Variants in TENM2 observed in about 807,000 individuals in gnomAD.
TENM2 encodes the protein teneurin-2.
TENM2 carries 52 observed loss-of-function variants against 245.2 expected under a neutral mutation model. The ratio of observed to expected loss-of-function variants is 0.21; its 90% confidence interval spans 0.17 to 0.27. The LOEUF (loss-of-function observed/expected upper bound fraction) is 0.27, where lower values mean the gene tolerates loss of function less well. TENM2 is among the 10% of genes least tolerant of loss of function. The probability of loss-of-function intolerance (pLI) is 1.00; values close to 1 mark genes in which losing one functional copy is unlikely to be tolerated. For missense variants in TENM2, 3,046 were observed against 3,666.8 expected (o/e 0.83, Z 4.37); for synonymous variants, 1,363 against 1,438.9 (o/e 0.95, Z 1.19).
chr5:167,030,699 G>C, the TENM2 span, among the ~76,000 whole-genome samples: 1 of 152,090 alleles, frequency 6.6e-6, no homozygotes, highest in African/African-American at 2.4e-5. Context: ...CGCGAGCAGA[G>C]CAAGGAAATG....
At chr5:167,060,312 A>G in the TENM2 span, among the ~76,000 whole-genome samples, 1 of 152,174 alleles carries the variant, frequency 6.6e-6, no homozygotes, top group Non-Finnish European at 1.5e-5. Flanking sequence ...TACAAATACA[A>G]ATATGAGCCA....
intron 2 of TENM2, among the ~76,000 whole-genome samples, chr5:167,817,817 T>C (rs979702247): frequency 5.3e-5 from 8 of 152,200 alleles, no homozygotes; most frequent in African/African-American, 1.9e-4. Flanking sequence ...GGACATTTGA[T>C]AGGAAGTCAG....
At chr5:167,616,696 C>T (rs1173098491) in intron 2 of TENM2, among the ~76,000 whole-genome samples, 1 of 151,944 alleles carries the variant, frequency 6.6e-6, no homozygotes, top group Non-Finnish European at 1.5e-5. Context: ...TGGTGGGCTG[C>T]ATTGCTTTTG....
intron 1 of TENM2, among the ~76,000 whole-genome samples, chr5:167,327,791 A>T (rs886643422): frequency 1.3e-5 from 2 of 152,166 alleles, no homozygotes; most frequent in Non-Finnish European, 1.5e-5. Flanking sequence ...GAATGGTGAA[A>T]TAGGGTAGAG....
chr5:167,285,016 G>A lies in TENM2; in HGVS notation c.179G>A (p.Arg60Gln), dbSNP rs369502947. Reference sequence around the variant, plus strand: ...GACAGCAGGATGCACTATGGAAACCGAGTCACAGACCTCATCCACCGGGAG... The same window carrying A: ...GACAGCAGGATGCACTATGGAAACCAAGTCACAGACCTCATCCACCGGGAG... Residue 60 changes from arginine to glutamine, a missense_variant, in exon 1 of 29, where the codon CGA (arginine) becomes CAA (glutamine). By Grantham distance (43) the Arg-to-Gln change is conservative (BLOSUM62 1). Coordinates refer to ENST00000518659, the Ensembl canonical transcript of TENM2. 34 of 1,551,982 alleles carry A rather than the reference G, an allele frequency of 2.2e-5. No homozygotes were observed. In the South Asian group the frequency reaches 2.6e-4, roughly 12 times the overall value.
Position 167,413,634 on chromosome 5 carries a change from G to T in TENM2, c.502+38161G>T, listed in dbSNP as rs145980198. On this transcript the variant is annotated intron_variant, in intron 2 of 28. Transcript: ENST00000518659. ...CCATCCATCCGTTTCCTTCTGAGCA[G>T]AGCAATAAAAATCAAGCCAGACCCT... Among the ~76,000 whole-genome samples the T allele has an allele frequency of 6.6e-5, 10 of 152,214 alleles. No individual in the cohort carries two copies. The East Asian group carries it at 1.9e-3, about 29-fold the overall frequency.
the TENM2 span, among the ~76,000 whole-genome samples, chr5:167,213,342 G>C: frequency 6.6e-6 from 1 of 152,134 alleles, no homozygotes; most frequent in South Asian, 2.1e-4. Context: ...GTACAAGATG[G>C]GTGTCTGGTG....
At chr5:167,242,160 C>T in the TENM2 span, among the ~76,000 whole-genome samples, 5 of 151,678 alleles carry the variant, frequency 3.3e-5, no homozygotes, top group Non-Finnish European at 7.4e-5. Context: ...AGCGATTCTC[C>T]TGCCTCAGCC....
At chr5:167,157,105 G>A in the TENM2 span, among the ~76,000 whole-genome samples, 1 of 152,146 alleles carries the variant, frequency 6.6e-6, no homozygotes, top group Non-Finnish European at 1.5e-5. Flanking sequence ...CATTGATGCT[G>A]TGGTAATTTG....
chr5:168,004,127 G>A (rs1324239137), intron 5 of TENM2, among the ~76,000 whole-genome samples: 1 of 152,180 alleles, frequency 6.6e-6, no homozygotes, highest in African/African-American at 2.4e-5. Flanking sequence ...TGAAGCCAGA[G>A]AGCAAGTCTA....
intron 2 of TENM2, among the ~76,000 whole-genome samples, chr5:167,672,571 G>C (rs1273816932): frequency 6.6e-6 from 1 of 151,980 alleles, no homozygotes; most frequent in East Asian, 1.9e-4. Context: ...TTCAGTAGAA[G>C]CTTAGAATCA....
chr5:167,561,906 A>G (rs1773615934), intron 2 of TENM2, among the ~76,000 whole-genome samples: 1 of 152,216 alleles, frequency 6.6e-6, no homozygotes, highest in Non-Finnish European at 1.5e-5. Flanking sequence ...AAAGAGAGAC[A>G]GAGAGACAGA....
At chr5:168,014,409 C>T (rs138504737) in intron 5 of TENM2, among the ~76,000 whole-genome samples, 1,836 of 152,240 alleles carry the variant, frequency 0.012, 127 homozygotes, top group Admixed American at 0.095. Context: ...GCCCCAAGTG[C>T]GCTGGCCTCT....
chr5:167,878,728 A>G (rs1332259225), intron 3 of TENM2, among the ~76,000 whole-genome samples: 1 of 152,174 alleles, frequency 6.6e-6, no homozygotes, highest in Admixed American at 6.6e-5. Flanking sequence ...CGGAAGATGC[A>G]AAGTGCAGAG....
chr5:167,609,582 A>C (rs999018636), intron 2 of TENM2, among the ~76,000 whole-genome samples: 5 of 150,978 alleles, frequency 3.3e-5, no homozygotes, highest in African/African-American at 1.2e-4. Context: ...TGGAACTTCC[A>C]ACAGACTGCC....
the TENM2 span, among the ~76,000 whole-genome samples, chr5:167,179,620 T>C: frequency 6.6e-6 from 1 of 152,158 alleles, no homozygotes; most frequent in Non-Finnish European, 1.5e-5. Context: ...TCTGCTTATA[T>C]ACTTACAACT....
chr5:168,155,215 T>G (rs1298076795), intron 12 of TENM2, among the ~76,000 whole-genome samples: 2 of 152,156 alleles, frequency 1.3e-5, no homozygotes, highest in Non-Finnish European at 2.9e-5. Flanking sequence ...GAACCCCTGG[T>G]GATCCCCGAT....
At chr5:168,214,640 T>C (rs1273257576) in intron 20 of TENM2, among the ~76,000 whole-genome samples, 4 of 152,168 alleles carry the variant, frequency 2.6e-5, no homozygotes, top group African/African-American at 7.2e-5. Context: ...CATTGTCACA[T>C]GGAAGTGTTC....
intron 2 of TENM2, among the ~76,000 whole-genome samples, chr5:167,524,044 A>G (rs1482151603): frequency 1.3e-5 from 2 of 152,158 alleles, no homozygotes; most frequent in Admixed American, 6.6e-5. Flanking sequence ...CAGTTAGCCT[A>G]TGATTCTTTT....
Sources: allele counts gnomAD v4.1 joint callset (sites outside exome capture counted in the v4.1 genomes callset), GRCh38; gene constraint gnomAD v4.1.1; transcripts MANE v1.5; gene names NCBI Gene and HGNC (gene_info 2026-07-23, HGNC 2026-07-21).